ADD2: variants seen among roughly 807,000 people sequenced by gnomAD.
ADD2 encodes the protein adducin 2.
Under a neutral mutation model 83.0 loss-of-function variants are expected in ADD2, and 23 were observed. That is an observed-to-expected ratio of 0.28 (90% CI 0.20 to 0.39). ADD2 has a LOEUF of 0.39. ADD2 is among the 10% of genes least tolerant of loss of function. The pLI, the probability that ADD2 is intolerant of heterozygous loss-of-function variation, is 1.00. For synonymous variants in ADD2, 375 were observed against 375.4 expected, an observed-to-expected ratio of 1.00 and a Z score of 0.01; for missense variants, 758 against 944.9, an observed-to-expected ratio of 0.80 and a Z score of 2.59.
chr2:70,742,085 G>T (rs1014964198), intron 1 of ADD2, among the ~76,000 whole-genome samples: 6 of 152,192 alleles, frequency 3.9e-5, no homozygotes, highest in Non-Finnish European at 8.8e-5. Context: ...TATTTAAAAG[G>T]CCATTATATA....
rs1671923814 is a variant in ADD2, at chr2:70,706,675, A to C, written c.-34-233T>G. Among the ~76,000 whole-genome samples the C allele has an allele frequency of 6.6e-6, 1 of 151,878 alleles. No homozygotes were observed. The highest frequency in any genetic ancestry group is 1.5e-5 in the Non-Finnish European group (1 of 67,992). On this transcript the variant is annotated intron_variant, in intron 2 of 15. Coordinates refer to ENST00000264436, the MANE Select transcript of ADD2 (RefSeq NM_001617.4). This position sits in a 1 kb window ranked among gnomAD's most constrained non-coding sequence, Gnocchi z 5.0. ...AGTAAAAACATGGGTTCAGGTGTCC[A>C]CTCCCTTCCCCAACTAGCCAGCCCT...
intron 2 of ADD2, among the ~76,000 whole-genome samples, chr2:70,709,832 G>T (rs1293646503): frequency 6.6e-6 from 1 of 152,194 alleles, no homozygotes; most frequent in Non-Finnish European, 1.5e-5. Context: ...AGTCCCACGT[G>T]CATGGCGTTA....
intron 4 of ADD2, among the ~76,000 whole-genome samples, chr2:70,701,120 A>G (rs954464632): frequency 1.3e-5 from 2 of 152,100 alleles, no homozygotes; most frequent in African/African-American, 4.8e-5. Context: ...CTGCTAACCA[A>G]TCTCATGTGT....
At chr2:70,720,290 G>A (rs990951631) in intron 1 of ADD2, among the ~76,000 whole-genome samples, 4 of 152,172 alleles carry the variant, frequency 2.6e-5, no homozygotes, top group Non-Finnish European at 5.9e-5. Context: ...TAGGCCCAGA[G>A]AGAGGAGATG....
chr2:70,740,852 A>C (rs1238422855), intron 1 of ADD2, among the ~76,000 whole-genome samples: 1 of 152,204 alleles, frequency 6.6e-6, no homozygotes, highest in East Asian at 1.9e-4. Context: ...GGCGTGTGCC[A>C]CTATGCCTGG....
chr2:70,761,830 C>T (rs925525010), intron 1 of ADD2, among the ~76,000 whole-genome samples: 2 of 151,070 alleles, frequency 1.3e-5, no homozygotes, highest in African/African-American at 4.9e-5. Flanking sequence ...CGCCACCACG[C>T]CTGGCTAATT....
At chr2:70,672,723 AAC>A (rs1669950005) in intron 15 of ADD2, among the ~76,000 whole-genome samples, 153 bp downstream of exon 15, 1 of 152,218 alleles carries the variant, frequency 6.6e-6, no homozygotes, top group Non-Finnish European at 1.5e-5. Flanking sequence ...TGAGTGAAAC[AAC>A]ATGAAACTTG....
intron 10 of ADD2, 87 bp from the exon 11 acceptor site, chr2:70,679,048 CT>C: frequency 6.9e-7 from 1 of 1,455,164 alleles, no homozygotes; most frequent in Non-Finnish European, 9.3e-7. Context: ...TTCCTTCCGT[CT>C]GCTTAAAGGA....
At chr2:70,738,291 A>C (rs1257459731) in intron 1 of ADD2, among the ~76,000 whole-genome samples, 1 of 152,206 alleles carries the variant, frequency 6.6e-6, no homozygotes, top group African/African-American at 2.4e-5. Context: ...TTCACACACA[A>C]AATTAGATCA....
chr2:70,677,617 G>C (rs901024278), intron 12 of ADD2, 141 bp downstream of exon 12: 3 of 1,130,552 alleles, frequency 2.7e-6, no homozygotes, highest in Non-Finnish European at 3.8e-6. Context: ...GCCATGGTCA[G>C]TCAATGGTAG....
At chr2:70,709,129 C>T (rs1672048190) in intron 2 of ADD2, among the ~76,000 whole-genome samples, 1 of 152,092 alleles carries the variant, frequency 6.6e-6, no homozygotes, top group Non-Finnish European at 1.5e-5. Context: ...GCCACCATGG[C>T]CCACTTCTGC....
intron 1 of ADD2, among the ~76,000 whole-genome samples, chr2:70,755,014 T>C (rs1237493438): frequency 6.6e-6 from 1 of 152,204 alleles, no homozygotes; most frequent in African/African-American, 2.4e-5. Context: ...CCACTGTTTC[T>C]ACCTCACAGA....
intron 1 of ADD2, among the ~76,000 whole-genome samples, chr2:70,752,379 A>C (rs1286416376): frequency 2.0e-5 from 3 of 152,216 alleles, no homozygotes; most frequent in African/African-American, 7.2e-5. Context: ...AAGAAATGAG[A>C]ATAATAATAC....
At chr2:70,674,968 C>T (rs763792979) in intron 13 of ADD2, 143 bp from the exon 14 acceptor site, 15 of 1,375,952 alleles carry the variant, frequency 1.1e-5, no homozygotes, top group Non-Finnish European at 1.4e-5. Context: ...CAGCTCAGGG[C>T]CTTGGGGTAG....
chr2:70,685,117 GAT>G lies in ADD2; in HGVS notation c.949-1352_949-1351del. On this transcript the variant is annotated intron_variant, in intron 9 of 15. Transcript: ENST00000264436. ...CATTATTATATTAGCATTCCAATAA[GAT>G]ATGATATCCCATGTTAGCCTGCTTG... Among the ~76,000 whole-genome samples the G allele has an allele frequency of 4.6e-5, 7 of 152,256 alleles. No homozygotes were observed. The Middle Eastern group carries it at 0.02, about 444-fold the overall frequency.
At chr2:70,704,263 T>TTGGCC in intron 4 of ADD2, 58 bp downstream of exon 4, 132 of 913,180 alleles carry the variant, frequency 1.4e-4, no homozygotes, top group East Asian at 2.9e-4. Context: ...CTCCCTCTCT[T>TTGGCC]CCCCACCCCA....
intron 1 of ADD2, among the ~76,000 whole-genome samples, chr2:70,722,246 A>G (rs1423477474): frequency 6.6e-6 from 1 of 152,216 alleles, no homozygotes; most frequent in Non-Finnish European, 1.5e-5. Flanking sequence ...GCATGACTGT[A>G]TTCTTCAATT....
chr2:70,706,024 C>T lies in ADD2; in HGVS notation c.183+202G>A, dbSNP rs986494587. On this transcript the variant is annotated intron_variant, in intron 3 of 15. Transcript: ENST00000264436. The surrounding 1 kb of genome is among the most constrained non-coding windows in gnomAD (Gnocchi z 5.0). ...CCCCCCGCACCAAGCCAAACTGCCA[C>T]ACACAAGCCAGGTTCTGCCATCCAC... Among the ~76,000 whole-genome samples the T allele has an allele frequency of 3.9e-5, 6 of 152,246 alleles. No homozygotes were observed. The highest frequency in any genetic ancestry group is 8.8e-5 in the Non-Finnish European group (6 of 68,044).
intron 1 of ADD2, among the ~76,000 whole-genome samples, chr2:70,714,131 C>G (rs926955912): frequency 2.0e-5 from 3 of 152,126 alleles, no homozygotes; most frequent in Non-Finnish European, 4.4e-5. Flanking sequence ...TCCTAGGAAT[C>G]AAGGTCTTCA....
Sources: allele counts gnomAD v4.1 joint callset (sites outside exome capture counted in the v4.1 genomes callset), GRCh38; gene constraint gnomAD v4.1.1; non-coding constraint Gnocchi (gnomAD v3.1); transcripts MANE v1.5; gene names NCBI Gene and HGNC (gene_info 2026-07-23, HGNC 2026-07-21).